XRN1: variants seen among roughly 807,000 people sequenced by gnomAD.
The protein encoded by XRN1 is strand-exchange protein 1 homolog.
A neutral mutation model predicts 222.3 loss-of-function variants in XRN1; 67 were observed. That is an observed-to-expected ratio of 0.30 (90% CI 0.25 to 0.37). XRN1 has a LOEUF of 0.37. Ranked by LOEUF, XRN1 falls within the 10% of genes least tolerant of loss-of-function variation. The pLI is 1.00. For missense variants in XRN1, 1,707 were observed against 2,000.2 expected, an observed-to-expected ratio of 0.85 and a Z score of 2.80; for synonymous variants, 643 against 652.4, an observed-to-expected ratio of 0.99 and a Z score of 0.22.
At chr3:142,426,346 T>C (rs1451818544) in intron 3 of XRN1, among the ~76,000 whole-genome samples, 5 of 152,214 alleles carry the variant, frequency 3.3e-5, no homozygotes, top group African/African-American at 1.2e-4. Flanking sequence ...TGCCCTGGAC[T>C]AGGAGAATCA....
chr3:142,447,725 A>C lies in XRN1; in HGVS notation c.75+145T>G. 1.0e-6 allele frequency: 1 copy of C among 1,003,564 alleles called. No individual in the cohort carries two copies. The highest frequency in any genetic ancestry group is 2.5e-5 in the East Asian group (1 of 39,692). The allele number at this position is 1,003,564 out of a possible 1,614,324, so 62.2% of individuals were successfully genotyped here. ...CCTTTCGGCTCATCCGGGCGTCCTC[A>C]AACCTTCCGTCCCCCTCCCTAATGC... is the stretch of plus-strand genomic sequence containing the variant. On this transcript the variant is annotated intron_variant, in intron 1 of 40. Transcript: ENST00000392981. The surrounding 1 kb of genome is among the most constrained non-coding windows in gnomAD (Gnocchi z 4.2).
At chr3:142,350,357 C>T (rs765097291) in intron 32 of XRN1, among the ~76,000 whole-genome samples, 1 of 151,948 alleles carries the variant, frequency 6.6e-6, no homozygotes, top group Non-Finnish European at 1.5e-5. Flanking sequence ...CCATCCCTGG[C>T]ATACTCAAGG....
chr3:142,350,901 T>G (rs998429160), intron 32 of XRN1, among the ~76,000 whole-genome samples: 4 of 152,096 alleles, frequency 2.6e-5, no homozygotes, highest in South Asian at 2.1e-4. Flanking sequence ...TAATTTGAGA[T>G]GTATATTAAG....
chr3:142,383,962 T>A (rs868283253), intron 21 of XRN1, among the ~76,000 whole-genome samples: 6 of 151,708 alleles, frequency 4.0e-5, no homozygotes, highest in Middle Eastern at 3.4e-3. Flanking sequence ...TCTTTTAGAG[T>A]CTAAGTCCTT....
Position 142,316,159 on chromosome 3 carries a change from C to T in XRN1, c.4621+2433G>A, listed in dbSNP as rs527431921. Among the ~76,000 whole-genome samples, 27 of 151,052 alleles carry T rather than the reference C, an allele frequency of 1.8e-4. No homozygotes were observed. The South Asian group carries it at 5.2e-3, about 29-fold the overall frequency. On this transcript the variant is annotated intron_variant, in intron 39 of 40. Transcript: ENST00000392981. ...GTTTCTTTTCTTGTAAAAAGAGATC[C>T]ATTATGTATTTTCTTGTAAAACCTT...
At chr3:142,357,201 A>G (rs2066488063) in intron 30 of XRN1, 82 bp from the exon 31 acceptor site, 4 of 1,317,242 alleles carry the variant, frequency 3.0e-6, no homozygotes, top group Admixed American at 4.0e-5. Context: ...TTTTTGGTGG[A>G]CAATCCATCA....
rs554720822 is a variant in XRN1, at chr3:142,379,061, G to T, written c.2715+1021C>A. Among the ~76,000 whole-genome samples, 3 of 151,816 alleles carry T rather than the reference G, an allele frequency of 2.0e-5. No homozygotes were observed. In the South Asian group the frequency reaches 6.2e-4, roughly 32 times the overall value. On this transcript the variant is annotated intron_variant, in intron 23 of 40. Transcript: ENST00000392981. ...GAGGCAGGCAGATCACTTGAGGTCA[G>T]GGGTTTGAGACCAACATGGTGAAAC...
At chr3:142,440,147 C>T (rs1378383393) in intron 1 of XRN1, among the ~76,000 whole-genome samples, 1 of 152,106 alleles carries the variant, frequency 6.6e-6, no homozygotes, top group Non-Finnish European at 1.5e-5. Context: ...TGGACACTGG[C>T]ACGGCCTTCT....
rs1035893637 is a variant in XRN1, at chr3:142,311,564, T to C, written c.5032A>G (p.Arg1678Gly). The C allele has an allele frequency of 2.8e-5, 45 of 1,611,278 alleles. No individual in the cohort carries two copies. The highest frequency in any genetic ancestry group is 3.7e-5 in the Non-Finnish European group (44 of 1,178,256). ...TTAACAGCCAGTTTTCTTGATTTTC[T>C]TCTTGAAGAAGAGATTGGTGTTGAC... ...HKSTPISSSR[R>G]KSRKLAVNFG... Residue 1678 changes from arginine (R) to glycine (G), a missense_variant, in exon 41 of 41, where the codon AGA becomes GGA. By Grantham distance (125) the Arg-to-Gly change is moderately radical. Around this residue, in one of 2 missense-constraint regions of XRN1, gnomAD observed 473 missense variants for 482.0 expected, o/e 0.98. Transcript: ENST00000392981.
intron 33 of XRN1, among the ~76,000 whole-genome samples, chr3:142,346,612 C>G (rs1014388511): frequency 6.6e-6 from 1 of 151,932 alleles, no homozygotes; most frequent in African/African-American, 2.4e-5. Context: ...TCCTGAATAG[C>G]AGGGACTACA....
Position 142,427,097 on chromosome 3 carries a change from A to G in XRN1, c.309-256T>C, listed in dbSNP as rs376889130. On this transcript the variant is annotated intron_variant, in intron 2 of 40. Transcript: ENST00000392981. The stretch of plus-strand genomic sequence containing the variant: ...GTAATCTCAATATTTTGGGAGGCCA[A>G]GGTGGGAAGAACAATTGAGTCTAGG... 2.2e-4 allele frequency among the ~76,000 whole-genome samples: 33 copies of G among 152,308 alleles called. No homozygotes were observed. The South Asian group carries it at 2.3e-3, about 11-fold the overall frequency.
At chr3:142,315,111 T>C (rs1447656579) in intron 39 of XRN1, among the ~76,000 whole-genome samples, 1 of 151,638 alleles carries the variant, frequency 6.6e-6, no homozygotes, top group African/African-American at 2.4e-5. Context: ...ATTTTTTCCA[T>C]CTTTTGTAGC....
chr3:142,431,884 TTA>T (rs1158646543), intron 2 of XRN1, among the ~76,000 whole-genome samples: 12 of 62,884 alleles, frequency 1.9e-4, no homozygotes, highest in African/African-American at 8.5e-4. Flanking sequence ...ATTATATATA[TTA>T]TATATAATAT....
chr3:142,366,618 G>C (rs547082749), intron 27 of XRN1, among the ~76,000 whole-genome samples: 3 of 152,228 alleles, frequency 2.0e-5, no homozygotes, highest in Admixed American at 2.0e-4. Context: ...CAGTTAAGGA[G>C]GACAGCAGTA....
At chr3:142,351,086 AT>A (rs969156362) in intron 32 of XRN1, among the ~76,000 whole-genome samples, 5 of 151,922 alleles carry the variant, frequency 3.3e-5, no homozygotes, top group African/African-American at 4.8e-5. Context: ...ATCTAAATCT[AT>A]TTTTTTCTCT....
chr3:142,325,416 ATATTT>A (rs1453332533), intron 37 of XRN1, among the ~76,000 whole-genome samples: 2 of 151,940 alleles, frequency 1.3e-5, no homozygotes, highest in Non-Finnish European at 2.9e-5. Flanking sequence ...TTTTATAGTT[ATATTT>A]TATTTTTTAA....
intron 16 of XRN1, among the ~76,000 whole-genome samples, chr3:142,404,343 C>G (rs1252902386): frequency 6.6e-6 from 1 of 152,126 alleles, no homozygotes; most frequent in Non-Finnish European, 1.5e-5. Flanking sequence ...TTATCTTTCT[C>G]TTTCCTTTAA....
At position 142,447,464 on chromosome 3, in the gene XRN1, G is replaced by A. The variant is rs1380575841; in HGVS notation, c.75+406C>T. Among the ~76,000 whole-genome samples, 2 of 152,254 alleles carry A rather than the reference G, an allele frequency of 1.3e-5. No homozygotes were observed. The highest frequency in any genetic ancestry group is 2.9e-5 in the Non-Finnish European group (2 of 68,008). On this transcript the variant is annotated intron_variant, in intron 1 of 40. Transcript: ENST00000392981. This position sits in a 1 kb window ranked among gnomAD's most constrained non-coding sequence, Gnocchi z 4.2. The stretch of plus-strand genomic sequence containing the variant: ...AAGCGGCTGTTATCGTCTGTAAGTG[G>A]GTCTGCCGCTCTGGGTGGGATGGGG...
intron 15 of XRN1, among the ~76,000 whole-genome samples, chr3:142,410,183 G>C (rs1264785455): frequency 1.3e-5 from 2 of 152,158 alleles, no homozygotes; most frequent in African/African-American, 2.4e-5. Context: ...TCCTATTCTT[G>C]ACTTTACAGG....
Sources: allele counts gnomAD v4.1 joint callset (sites outside exome capture counted in the v4.1 genomes callset), GRCh38; gene constraint gnomAD v4.1.1; regional missense constraint gnomAD v4.1.1; non-coding constraint Gnocchi (gnomAD v3.1); transcripts MANE v1.5; gene names NCBI Gene and HGNC (gene_info 2026-07-23, HGNC 2026-07-21).